BANK1: variants seen among roughly 807,000 people sequenced by gnomAD.
BANK1 encodes B-cell scaffold protein with ankyrin repeats.
In BANK1, 95 loss-of-function variants were observed where a neutral mutation model predicts 94.5. The observed-to-expected ratio is 1.00, with a 90% confidence interval of 0.85 to 1.19. The LOEUF (loss-of-function observed/expected upper bound fraction) is 1.19, where lower values mean the gene tolerates loss of function less well. Ranked by LOEUF, BANK1 falls within the 50% of genes most tolerant of loss-of-function variation. The probability of loss-of-function intolerance (pLI) is 0.00; values close to 1 mark genes in which losing one functional copy is unlikely to be tolerated. For missense variants in BANK1, 987 were observed against 932.2 expected, an observed-to-expected ratio of 1.06 and a Z score of -0.77; for synonymous variants, 334 against 308.4, an observed-to-expected ratio of 1.08 and a Z score of -0.87.
intron 7 of BANK1, among the ~76,000 whole-genome samples, chr4:102,010,010 T>C (rs79030939): frequency 0.029 from 4,413 of 152,270 alleles, 202 homozygotes; most frequent in East Asian, 0.12. Context: ...CTCACGCCTG[T>C]AATCCCAGCA....
At chr4:101,957,839 T>C (rs1724401791) in intron 7 of BANK1, among the ~76,000 whole-genome samples, 1 of 145,412 alleles carries the variant, frequency 6.9e-6, no homozygotes, top group African/African-American at 2.5e-5. Context: ...GTTTTTTGTT[T>C]TTTGCTTTTT....
intron 7 of BANK1, among the ~76,000 whole-genome samples, chr4:101,989,624 T>A (rs1725633310): frequency 6.6e-6 from 1 of 151,660 alleles, no homozygotes; most frequent in South Asian, 2.1e-4. Flanking sequence ...CTGAGTCTCA[T>A]TTCATCTGGG....
intron 5 of BANK1, among the ~76,000 whole-genome samples, chr4:101,889,790 C>T (rs894277587): frequency 1.1e-4 from 17 of 152,082 alleles, no homozygotes; most frequent in East Asian, 3.9e-4. Context: ...GAGACTTTCT[C>T]TCTTTTCCAA....
At chr4:101,830,251 T>C in intron 2 of BANK1, 45 bp downstream of exon 2, 2 of 1,425,716 alleles carry the variant, frequency 1.4e-6, no homozygotes, top group East Asian at 2.4e-5. Flanking sequence ...TTTGTTTTTT[T>C]TTTTTTGTAA....
intron 5 of BANK1, among the ~76,000 whole-genome samples, chr4:101,889,847 T>C (rs575889839): frequency 6.6e-6 from 1 of 152,210 alleles, no homozygotes; most frequent in East Asian, 1.9e-4. Context: ...GTTCCAAAAA[T>C]TTTGATATGT....
intron 6 of BANK1, among the ~76,000 whole-genome samples, chr4:101,909,170 A>C (rs1262528860): frequency 6.6e-6 from 1 of 152,232 alleles, no homozygotes; most frequent in African/African-American, 2.4e-5. Context: ...AGGCTGGATT[A>C]AGAAAATGTG....
intron 4 of BANK1, among the ~76,000 whole-genome samples, chr4:101,867,627 C>G (rs1025207328): frequency 6.6e-6 from 1 of 151,752 alleles, no homozygotes; most frequent in East Asian, 1.9e-4. Flanking sequence ...ACAGCAATAT[C>G]ATAAGGGACA....
intron 2 of BANK1, among the ~76,000 whole-genome samples, chr4:101,852,062 G>A (rs1043433092): frequency 5.9e-5 from 9 of 151,932 alleles, no homozygotes; most frequent in African/African-American, 1.9e-4. Context: ...TTTGGACTCC[G>A]TTTTCTCTGT....
chr4:101,977,224 A>G (rs1362502518), intron 7 of BANK1: 1 of 152,122 alleles, frequency 6.6e-6, no homozygotes, highest in African/African-American at 2.4e-5. Flanking sequence ...AGCCTGGCAG[A>G]CTTCATCATT....
chr4:101,937,318 A>G (rs1344085915), intron 7 of BANK1, among the ~76,000 whole-genome samples: 1 of 151,894 alleles, frequency 6.6e-6, no homozygotes, highest in South Asian at 2.1e-4. Flanking sequence ...AATAGGAGAA[A>G]ATTTTTGCAA....
chr4:101,798,230 G>A (rs1327778281), intron 1 of BANK1, among the ~76,000 whole-genome samples: 1 of 152,158 alleles, frequency 6.6e-6, no homozygotes, highest in Non-Finnish European at 1.5e-5. Context: ...AGAAGGTAAG[G>A]TGATGGAGGC....
intron 7 of BANK1, among the ~76,000 whole-genome samples, chr4:101,932,698 C>T (rs560070109): frequency 4.6e-5 from 7 of 151,490 alleles, no homozygotes; most frequent in African/African-American, 9.7e-5. Flanking sequence ...CATTTTTACA[C>T]TTCTGAAAGA....
At chr4:101,927,382 T>C (rs1037068055) in intron 7 of BANK1, among the ~76,000 whole-genome samples, 1 of 151,626 alleles carries the variant, frequency 6.6e-6, no homozygotes, top group African/African-American at 2.4e-5. Context: ...GGGATTACAA[T>C]TCAAGATGAG....
At chr4:101,820,986 G>A (rs1204097399) in intron 1 of BANK1, among the ~76,000 whole-genome samples, 2 of 151,574 alleles carry the variant, frequency 1.3e-5, no homozygotes, top group South Asian at 4.1e-4. Context: ...TGGGTGGGTC[G>A]AATGCCATTA....
chr4:101,888,901 C>T (rs1474989612), intron 5 of BANK1, among the ~76,000 whole-genome samples: 2 of 152,130 alleles, frequency 1.3e-5, no homozygotes, highest in African/African-American at 2.4e-5. Context: ...TCCTAAAATG[C>T]TTTCAAATAC....
Position 102,021,568 on chromosome 4 carries a change from G to T in BANK1, c.1261G>T (p.Ala421Ser). The change falls in exon 8 of 17, where the codon GCC becomes TCC. Residue 421 changes from alanine to serine, a missense_variant. Ala to Ser is a moderately conservative substitution (Grantham distance 99, BLOSUM62 1). Transcript: ENST00000322953. ...AGAAAATGATTATGAAGAGGATATT[G>T]CCTCATTTTCCACATATATTCCTTG... ...EQENDYEEDI[A>S]SFSTYIPSTQ... 1.4e-6 allele frequency: 2 copies of T among 1,446,382 alleles called. No individual in the cohort carries two copies. The highest frequency in any genetic ancestry group is 2.5e-5 in the East Asian group (1 of 40,154). The allele number at this position is 1,446,382 out of a possible 1,614,324, so 89.6% of individuals were successfully genotyped here.
chr4:101,930,358 A>G (rs1451937222), intron 7 of BANK1, among the ~76,000 whole-genome samples: 1 of 151,386 alleles, frequency 6.6e-6, no homozygotes, highest in Non-Finnish European at 1.5e-5. Flanking sequence ...TTCTAAAATT[A>G]TTGGGCATGT....
chr4:101,802,741 GA>G (rs201202426), intron 1 of BANK1, among the ~76,000 whole-genome samples: 1,763 of 152,188 alleles, frequency 0.012, 18 homozygotes, highest in Middle Eastern at 0.027. Flanking sequence ...TGGAAAAGAT[GA>G]AAAAACAAAT....
chr4:101,870,700 G>A, intron 5 of BANK1, 56 bp downstream of exon 5: 1 of 1,534,442 alleles, frequency 6.5e-7, no homozygotes, highest in Non-Finnish European at 8.8e-7. Flanking sequence ...GCTAATGAAG[G>A]ATAAGAGGAT....
Sources: gnomAD v4.1 joint callset for allele counts (sites outside exome capture counted in the v4.1 genomes callset) on GRCh38, gnomAD v4.1.1 for gene constraint, MANE v1.5 for transcripts, NCBI Gene and HGNC (gene_info 2026-07-23, HGNC 2026-07-21) for gene names.